The following FOXP2 variants were observed in gnomAD, a reference collection of about 807,000 sequenced individuals.
The protein encoded by FOXP2 is forkhead box P2, also known as forkhead box protein P2.
In FOXP2, 12 loss-of-function variants were observed where a neutral mutation model predicts 115.8. The ratio of observed to expected loss-of-function variants is 0.10; its 90% CI spans 0.07 to 0.17. FOXP2 has a LOEUF of 0.17. FOXP2 is among the 10% of genes least tolerant of loss of function. The pLI, the probability that FOXP2 is intolerant of heterozygous loss-of-function variation, is 1.00. For missense variants in FOXP2, 629 were observed against 843.5 expected, an observed-to-expected ratio of 0.75 and a Z score of 3.15; for synonymous variants, 328 against 297.7, an observed-to-expected ratio of 1.10 and a Z score of -1.05.
chr7:114,164,341 T>G (rs924835922), intron 1 of FOXP2, among the ~76,000 whole-genome samples: 2 of 149,708 alleles, frequency 1.3e-5, no homozygotes, highest in African/African-American at 5.1e-5. Context: ...AGTTCAAAAC[T>G]TTTCTTTTTT....
At chr7:114,435,631 A>T (rs10246733) in intron 2 of FOXP2, among the ~76,000 whole-genome samples, 5 of 151,916 alleles carry the variant, frequency 3.3e-5, no homozygotes, top group African/African-American at 9.7e-5. Flanking sequence ...TCTGCCTCCC[A>T]GGTTCAAGAG....
chr7:114,449,567 A>G (rs990220330), intron 2 of FOXP2, among the ~76,000 whole-genome samples: 43 of 152,016 alleles, frequency 2.8e-4, no homozygotes, highest in African/African-American at 1.0e-3. Context: ...CATTCTGTGA[A>G]CCTGAGCCAC....
intron 2 of FOXP2, among the ~76,000 whole-genome samples, chr7:114,343,966 A>G (rs1791275176): frequency 6.7e-6 from 1 of 150,002 alleles, no homozygotes; most frequent in Non-Finnish European, 1.5e-5. Flanking sequence ...GCCTCATGAG[A>G]GCAGGGATTT....
chr7:114,187,905 G>A (rs1479640350), intron 1 of FOXP2, among the ~76,000 whole-genome samples: 1 of 152,152 alleles, frequency 6.6e-6, no homozygotes, highest in Non-Finnish European at 1.5e-5. Context: ...GAGAGCGAAA[G>A]AGGGGGCTAA....
At chr7:114,438,499 T>C in intron 2 of FOXP2, among the ~76,000 whole-genome samples, 1 of 151,610 alleles carries the variant, frequency 6.6e-6, no homozygotes, top group East Asian at 1.9e-4. Flanking sequence ...TATGGAAATA[T>C]TTATATATTT....
intron 1 of FOXP2, among the ~76,000 whole-genome samples, chr7:114,251,763 C>T (rs1318876546): frequency 2.6e-5 from 4 of 152,158 alleles, no homozygotes; most frequent in African/African-American, 9.7e-5. Context: ...CTCTCTTTTC[C>T]TAATTGAATA....
intron 1 of FOXP2, among the ~76,000 whole-genome samples, chr7:114,262,880 ACTTTT>A (rs1451753825): frequency 6.6e-6 from 1 of 151,980 alleles, no homozygotes; most frequent in Non-Finnish European, 1.5e-5. Flanking sequence ...TTTAATTTCT[ACTTTT>A]CTTTTTACCT....
chr7:114,160,051 A>G (rs1183147633), upstream of FOXP2, among the ~76,000 whole-genome samples: 2 of 152,166 alleles, frequency 1.3e-5, no homozygotes, highest in South Asian at 2.1e-4. Context: ...ACGGGGCAGG[A>G]CTTTCCGGGG....
exon 2 of FOXP2, chr7:114,288,086 T>G (rs1796509636): frequency 2.2e-6 from 1 of 453,426 alleles, no homozygotes; most frequent in Non-Finnish European, 4.4e-6. Flanking sequence ...TTCGAAAGTC[T>G]TGTGGAAGAT....
At chr7:114,124,255 G>C (rs972473450) in intron 1 of FOXP2, among the ~76,000 whole-genome samples, 3 of 151,950 alleles carry the variant, frequency 2.0e-5, no homozygotes, top group Non-Finnish European at 4.4e-5. Context: ...GCATAACTAG[G>C]ATGTTCAATA....
At chr7:114,279,496 A>C (rs1796274161) in intron 1 of FOXP2, among the ~76,000 whole-genome samples, 1 of 152,170 alleles carries the variant, frequency 6.6e-6, no homozygotes, top group Non-Finnish European at 1.5e-5. Context: ...AGTTTTACTT[A>C]TCTAGACTGC....
intron 1 of FOXP2, among the ~76,000 whole-genome samples, chr7:114,145,475 T>TCTTTTCTTTA (rs1792344753): frequency 1.5e-5 from 2 of 133,810 alleles, no homozygotes; most frequent in Non-Finnish European, 3.2e-5. Flanking sequence ...TCTTTTCTTT[T>TCTTTTCTTTA]CTTTTCTTTT....
intron 1 of FOXP2, among the ~76,000 whole-genome samples, chr7:114,425,347 T>A (rs1793798356): frequency 6.6e-6 from 1 of 151,650 alleles, no homozygotes. Context: ...TCTGCAATTC[T>A]GTCCATAGAA....
chr7:114,202,307 G>A (rs1794088274), intron 1 of FOXP2, among the ~76,000 whole-genome samples: 1 of 152,098 alleles, frequency 6.6e-6, no homozygotes, highest in Non-Finnish European at 1.5e-5. Flanking sequence ...TATTTATTTA[G>A]TTCCTTCTAT....
chr7:114,377,269 A>T (rs1174343143), intron 2 of FOXP2, among the ~76,000 whole-genome samples: 1 of 152,236 alleles, frequency 6.6e-6, no homozygotes, highest in African/African-American at 2.4e-5. Flanking sequence ...TACTTTCCAA[A>T]TACTCATTGA....
At chr7:114,274,485 G>C (rs115174536) in intron 1 of FOXP2, among the ~76,000 whole-genome samples, 101 of 151,744 alleles carry the variant, frequency 6.7e-4, no homozygotes, top group African/African-American at 2.3e-3. Flanking sequence ...TTGGAAGGCA[G>C]GTCTACTGGA....
chr7:114,096,419 G>T (rs1406660573), intron 1 of FOXP2, among the ~76,000 whole-genome samples: 1 of 152,046 alleles, frequency 6.6e-6, no homozygotes, highest in African/African-American at 2.4e-5. Context: ...CCTTTAAGTT[G>T]CCCTTTTATC....
intron 1 of FOXP2, among the ~76,000 whole-genome samples, chr7:114,189,885 T>A (rs1584534173): frequency 6.6e-6 from 1 of 152,184 alleles, no homozygotes; most frequent in Non-Finnish European, 1.5e-5. Context: ...CTTGTTCTTT[T>A]TTTGGCTGTA....
At position 114,262,525 on chromosome 7, in the gene FOXP2, A is replaced by G. The variant is rs1795781887; in HGVS notation, c.-101-25494A>G. ...CTGCACATATACTTCCTGAATCTAAAATAAGAGATTTTTTTTAAAAAAAGA... is the reference window on the plus strand; with the variant it reads ...CTGCACATATACTTCCTGAATCTAAGATAAGAGATTTTTTTTAAAAAAAGA... On this transcript the variant is annotated intron_variant, in intron 1 of 17. Coordinates refer to the FOXP2 transcript ENST00000634411. Among the ~76,000 whole-genome samples the G allele has an allele frequency of 2.0e-5, 3 of 152,270 alleles. 1 individual carries two copies. The South Asian group carries it at 6.2e-4, about 32-fold the overall frequency.
Sources: gnomAD v4.1 joint callset for allele counts (sites outside exome capture counted in the v4.1 genomes callset) on GRCh38, gnomAD v4.1.1 for gene constraint, MANE v1.5 for transcripts, NCBI Gene and HGNC (gene_info 2026-07-23, HGNC 2026-07-21) for gene names.